The following NHSL2 variants were observed in gnomAD, a reference collection of about 807,000 sequenced individuals.
The protein encoded by NHSL2 is NHS-like protein 2.
NHSL2 carries 27 observed loss-of-function variants against 53.4 expected under a neutral mutation model. That is an observed-to-expected ratio of 0.51 (90% CI 0.37 to 0.70). The LOEUF (loss-of-function observed/expected upper bound fraction) is 0.70, where lower values mean the gene tolerates loss of function less well. Among genes scored for constraint, NHSL2 ranks in the 30% least tolerant of loss-of-function variants. The probability of loss-of-function intolerance (pLI) is 0.00; values close to 1 mark genes in which losing one functional copy is unlikely to be tolerated. For missense variants in NHSL2, 892 were observed against 980.1 expected, an observed-to-expected ratio of 0.91 and a Z score of 1.20; for synonymous variants, 408 against 404.1, an observed-to-expected ratio of 1.01 and a Z score of -0.12.
At chrX:72,061,243 C>T (rs1320763125) in intron 1 of NHSL2, among the ~76,000 whole-genome samples, 1 of 111,879 alleles carries the variant, frequency 8.9e-6, no homozygotes, top group African/African-American at 3.3e-5. Context: ...AACAGGAAGA[C>T]CCTATATTGT....
intron 1 of NHSL2, among the ~76,000 whole-genome samples, chrX:71,987,345 C>T (rs1258363944): frequency 1.8e-5 from 2 of 112,656 alleles, no homozygotes; most frequent in Non-Finnish European, 3.7e-5. Context: ...GGTCTGGAGT[C>T]TAGAACATCA....
chrX:71,939,219 G>A (rs1470073377), intron 1 of NHSL2, among the ~76,000 whole-genome samples: 22 of 111,500 alleles, frequency 2.0e-4, no homozygotes. Context: ...TGGGAGAATC[G>A]GAGCCTAGAG....
chrX:72,015,575 C>T (rs1375669559), intron 1 of NHSL2, among the ~76,000 whole-genome samples: 1 of 112,081 alleles, frequency 8.9e-6, no homozygotes, highest in Non-Finnish European at 1.9e-5. Flanking sequence ...TGGGTGTTGT[C>T]CAATTTCTAC....
chrX:72,096,096 C>T (rs1269398164), intron 1 of NHSL2, among the ~76,000 whole-genome samples: 1 of 108,787 alleles, frequency 9.2e-6, no homozygotes, highest in Non-Finnish European at 1.9e-5. Flanking sequence ...AAGGGAGATG[C>T]AGTAGGGCTG....
At chrX:71,991,415 G>T (rs1314165482) in intron 1 of NHSL2, among the ~76,000 whole-genome samples, 1 of 112,675 alleles carries the variant, frequency 8.9e-6, no homozygotes, top group African/African-American at 3.2e-5. Context: ...AAAATTGCAA[G>T]TGCTTTGCTT....
intron 1 of NHSL2, among the ~76,000 whole-genome samples, chrX:71,962,518 A>G (rs1192155477): frequency 9.1e-6 from 1 of 110,185 alleles, no homozygotes; most frequent in Non-Finnish European, 1.9e-5. Context: ...GATTTTCTAT[A>G]TCTTGAGTTC....
intron 1 of NHSL2, among the ~76,000 whole-genome samples, chrX:72,005,449 T>C (rs1196031706): frequency 8.9e-6 from 1 of 112,202 alleles, no homozygotes; most frequent in African/African-American, 3.2e-5. Flanking sequence ...GGTGGGATTC[T>C]GTGCATTGCA....
intron 1 of NHSL2, among the ~76,000 whole-genome samples, chrX:71,973,401 T>G (rs986930170): frequency 8.9e-6 from 1 of 112,072 alleles, no homozygotes; most frequent in African/African-American, 3.2e-5. Context: ...CCGTCTTAAC[T>G]GCTTGCCGTG....
chrX:71,987,257 C>G (rs777148572), intron 1 of NHSL2, among the ~76,000 whole-genome samples: 3 of 112,008 alleles, frequency 2.7e-5, no homozygotes, highest in African/African-American at 9.7e-5. Flanking sequence ...GTCTCAAATA[C>G]GTGTTACACG....
intron 1 of NHSL2, among the ~76,000 whole-genome samples, chrX:71,921,789 G>C (rs767746932): frequency 1.2e-4 from 14 of 112,181 alleles, no homozygotes; most frequent in Non-Finnish European, 2.6e-4. Flanking sequence ...AATAGGCTGT[G>C]CCAGAAATTC....
chrX:72,080,692 A>G (rs182447094), intron 1 of NHSL2, among the ~76,000 whole-genome samples: 2 of 109,915 alleles, frequency 1.8e-5, no homozygotes, highest in East Asian at 5.7e-4. Context: ...ATCTCATTCA[A>G]TCCATCTCAT....
chrX:71,991,818 TTCTCTCTCTCTCTCTC>T (rs59851052), intron 1 of NHSL2, among the ~76,000 whole-genome samples: 1 of 99,857 alleles, frequency 1.0e-5, no homozygotes, highest in Non-Finnish European at 2.0e-5. Context: ...GTCTTTCTCT[TTCTCTCTCTCTCTCTC>T]TCTCTCTCTC....
rs185278354 is a variant in NHSL2, at chrX:72,149,101, C to T, written c.*5527C>T. 1.6e-3 allele frequency: 167 copies of T among 107,467 alleles called. No individual in the cohort carries two copies. Among genetic ancestry groups the T allele is most frequent in the African/African-American group, 5.5e-3 (162 of 29,234 alleles). The allele number at this position is 107,467 out of a possible 1,213,427, so 8.9% of individuals were successfully genotyped here. A position where few individuals can be genotyped will look rare whatever the true frequency, so the allele number is the denominator to read the frequency against. On this transcript the variant is annotated 3_prime_UTR_variant, in exon 8 of 8. Transcript: ENST00000633930. ...TTTATGGGACTCCGGTGCATATGCT[C>T]GAAAAAAATTAAAAAGAACTTATCA... is the stretch of plus-strand genomic sequence containing the variant.
chrX:71,966,445 T>C (rs2041901372), intron 1 of NHSL2, among the ~76,000 whole-genome samples: 1 of 111,548 alleles, frequency 9.0e-6, no homozygotes, highest in Non-Finnish European at 1.9e-5. Context: ...AGATGCTCTT[T>C]ATAAAGTTGA....
rs1003940728 is a variant in NHSL2, at chrX:72,134,590, A to G, written c.646A>G (p.Thr216Ala). Residue 216 changes from threonine (T) to alanine (A), a missense_variant, in exon 4 of 8, where the codon ACA (threonine) becomes GCA (alanine). Thr to Ala is a moderately conservative substitution (Grantham distance 58). Coordinates refer to ENST00000633930, the MANE Select transcript of NHSL2 (RefSeq NM_001013627.3). ...APEASLSLST[T>A]ADKQTAWNSL... is the part of the protein sequence containing the mutation. Reference sequence around the variant, plus strand: ...CGAGGCCTCCCTGAGCCTGTCTACCACAGCCGACAAGCAAACTGCCTGGAA... The same window carrying G: ...CGAGGCCTCCCTGAGCCTGTCTACCGCAGCCGACAAGCAAACTGCCTGGAA... The G allele has an allele frequency of 2.6e-6, 3 of 1,165,219 alleles. No homozygotes were observed. Among genetic ancestry groups the G allele is most frequent in the Non-Finnish European group, 3.4e-6 (3 of 870,228 alleles).
At chrX:71,929,858 G>T (rs1315694995) in intron 1 of NHSL2, among the ~76,000 whole-genome samples, 1 of 110,467 alleles carries the variant, frequency 9.1e-6, no homozygotes, top group Non-Finnish European at 1.9e-5. Flanking sequence ...AGGCTCAAGT[G>T]ATCCTCACCC....
At position 71,923,041 on chromosome X, in the gene NHSL2, T is replaced by C. The variant is rs144137484; in HGVS notation, c.280+11674T>C. Among the ~76,000 whole-genome samples, 858 of 112,381 alleles carry C rather than the reference T, an allele frequency of 7.6e-3. 8 individuals are homozygous for C. The highest frequency in any genetic ancestry group is 0.026 in the African/African-American group (817 of 30,961). On this transcript the variant is annotated intron_variant, in intron 1 of 7. Coordinates refer to ENST00000633930, the MANE Select transcript of NHSL2 (RefSeq NM_001013627.3). ...TATTTTGTGTCTGTAGCTTCCAGAC[T>C]ACCTAATGCACATGGGGTGTGGGGT...
chrX:72,109,746 C>T (rs1026320957), intron 1 of NHSL2, among the ~76,000 whole-genome samples: 3 of 111,756 alleles, frequency 2.7e-5, no homozygotes, highest in Non-Finnish European at 5.6e-5. Flanking sequence ...GGATTACAGG[C>T]ATGAGCCACC....
At chrX:71,932,873 T>G (rs1195111383) in intron 1 of NHSL2, among the ~76,000 whole-genome samples, 1 of 112,959 alleles carries the variant, frequency 8.9e-6, no homozygotes, top group Non-Finnish European at 1.9e-5. Flanking sequence ...GTTTGCCCAG[T>G]GCTGGCCTGC....
Sources: allele counts gnomAD v4.1 joint callset (sites outside exome capture counted in the v4.1 genomes callset), GRCh38; gene constraint gnomAD v4.1.1; transcripts MANE v1.5; gene names NCBI Gene and HGNC (gene_info 2026-07-23, HGNC 2026-07-21).